FCRL3: variants seen among roughly 807,000 people sequenced by gnomAD.
FCRL3 encodes the protein Fc receptor like 3.
A neutral mutation model predicts 75.0 loss-of-function variants in FCRL3; 89 were observed. That is an observed-to-expected ratio of 1.19 (90% CI 1.00 to 1.42). The LOEUF (loss-of-function observed/expected upper bound fraction) is 1.42. Ranked by LOEUF, FCRL3 falls within the 40% of genes most tolerant of loss-of-function variation. The pLI, the probability that FCRL3 is intolerant of heterozygous loss-of-function variation, is 0.00. For missense variants in FCRL3, 946 were observed against 880.0 expected (o/e 1.07, Z -0.95); for synonymous variants, 376 against 348.5 (o/e 1.08, Z -0.88).
At chr1:157,695,719 C>T (rs774002695) in intron 7 of FCRL3, 112 bp from the exon 8 acceptor site, 34 of 1,228,586 alleles carry the variant, frequency 2.8e-5, no homozygotes, top group Middle Eastern at 2.0e-4. Context: ...GTTTCTGTTT[C>T]CCCACTGATC....
chr1:157,680,750 G>T lies in FCRL3; in HGVS notation c.1978C>A (p.Pro660Thr), dbSNP rs780629385. ...ATGCTCCAGATCTGGGAATAAATCG[G>T]GTTGCTATCTCCAGGATTTACTGTG... ...YSNVNPGDSN[P>T]IYSQIWSIQH... The change falls in exon 13 of 15, where the codon CCG (proline) becomes ACG (threonine). Residue 660 changes from proline (P) to threonine (T), a missense_variant. Physicochemically the swap from Pro to Thr is conservative, Grantham distance 38 (BLOSUM62 -1). Coordinates refer to ENST00000368184, the MANE Select transcript of FCRL3 (RefSeq NM_052939.4). 2.5e-6 allele frequency: 4 copies of T among 1,614,024 alleles called. No individual in the cohort carries two copies. In the Admixed American group the frequency reaches 5.0e-5, roughly 20 times the overall value.
At chr1:157,693,726 T>TTC (rs754715689) in intron 8 of FCRL3, among the ~76,000 whole-genome samples, 77 of 149,548 alleles carry the variant, frequency 5.1e-4, no homozygotes, top group African/African-American at 1.5e-3. Flanking sequence ...CTTCCTTCCT[T>TTC]TCTCTCTCTC....
chr1:157,691,548 C>T (rs1655544846), intron 8 of FCRL3, among the ~76,000 whole-genome samples: 1 of 152,202 alleles, frequency 6.6e-6, no homozygotes, highest in South Asian at 2.1e-4. Context: ...CCAGCTGCCT[C>T]ATCAGGATAG....
At position 157,678,791 on chromosome 1, in the gene FCRL3, G is replaced by C. The variant is rs146537365; in HGVS notation, c.2124C>G (p.Ser708Arg). The C allele has an allele frequency of 8.2e-5, 133 of 1,613,948 alleles. No individual in the cohort carries two copies. The highest frequency in any genetic ancestry group is 1.1e-4 in the Non-Finnish European group (128 of 1,180,022). Residue 708 changes from serine to arginine, a missense_variant, in exon 15 of 15, where the codon AGC (serine) becomes AGG (arginine). By Grantham distance (110) the Ser-to-Arg change is moderately radical (BLOSUM62 -1). Coordinates refer to ENST00000368184, the MANE Select transcript of FCRL3 (RefSeq NM_052939.4). ...THPDDSAGEA[S>R]SRGRAHEEDD... ...CTTCTTCATGGGCCCTGCCTCTGCT[G>C]CTAGCCTCCCCTGCAGAGTCGTCTG... is the stretch of plus-strand genomic sequence containing the variant.
chr1:157,689,564 A>C lies in FCRL3; in HGVS notation c.1810+234T>G, dbSNP rs896533273. Among the ~76,000 whole-genome samples the C allele has an allele frequency of 4.6e-5, 7 of 152,298 alleles. No individual in the cohort carries two copies. The East Asian group carries it at 1.3e-3, about 29-fold the overall frequency. ...ATTAATTTTCTAATTTTTAATTGGA[A>C]GCAAAACTCTGCTACCTAATATAAA... On this transcript the variant is annotated intron_variant, in intron 10 of 14. Transcript: ENST00000368184.
chr1:157,685,879 TA>T (rs1553195033), intron 10 of FCRL3, among the ~76,000 whole-genome samples: 1 of 151,992 alleles, frequency 6.6e-6, no homozygotes, highest in East Asian at 1.9e-4. Context: ...AATGCATAAA[TA>T]AAAAAATTTT....
chr1:157,696,129 A>C lies in FCRL3; in HGVS notation c.1043T>G (p.Val348Gly). 1.9e-6 allele frequency: 3 copies of C among 1,613,556 alleles called. No homozygotes were observed. Among genetic ancestry groups the C allele is most frequent in the Non-Finnish European group, 2.5e-6 (3 of 1,179,922 alleles). The change falls in exon 7 of 15, where the codon GTG (valine) becomes GGG (glycine). Residue 348 changes from valine to glycine, a missense_variant. By Grantham distance (109) the Val-to-Gly change is moderately radical. Coordinates refer to ENST00000368184, the MANE Select transcript of FCRL3 (RefSeq NM_052939.4). ...SLLAELHVLT[V>G]KESDAGRYYC... ...GTATCTCCCTGCATCACTCTCCTTCACGGTGAGAACATGCAGCTCTGCCAA... is the reference window on the plus strand; with the variant it reads ...GTATCTCCCTGCATCACTCTCCTTCCCGGTGAGAACATGCAGCTCTGCCAA...
chr1:157,677,890 G>A lies in FCRL3; in HGVS notation c.*820C>T. 1.1e-6 allele frequency: 1 copy of A among 899,300 alleles called. No individual in the cohort carries two copies. The highest frequency in any genetic ancestry group is 5.1e-5 in the South Asian group (1 of 19,574). The allele number at this position is 899,300 out of a possible 1,614,324, so 55.7% of individuals were successfully genotyped here. On this transcript the variant is annotated 3_prime_UTR_variant, in exon 15 of 15. Coordinates refer to ENST00000368184, the MANE Select transcript of FCRL3 (RefSeq NM_052939.4). ...ATGGTTTTTTATCAGATGGAGTGAG[G>A]TAGAGGAAGAGAATGGGAGAAGCCA...
intron 10 of FCRL3, among the ~76,000 whole-genome samples, chr1:157,685,886 ATT>A (rs869177064): frequency 6.6e-6 from 1 of 152,126 alleles, no homozygotes; most frequent in South Asian, 2.1e-4. Flanking sequence ...AAATAAAAAA[ATT>A]TTTTTTAATT....
intron 10 of FCRL3, among the ~76,000 whole-genome samples, chr1:157,688,349 C>A (rs565472645): frequency 6.6e-6 from 1 of 152,164 alleles, no homozygotes; most frequent in Admixed American, 6.5e-5. Flanking sequence ...AGGGTCATTT[C>A]ATAAGGATAA....
rs1654786002 is a variant in FCRL3 at position 157,680,774 on chromosome 1, T to C, written c.1958-4A>G. On this transcript the variant is annotated splice_region_variant and splice_polypyrimidine_tract_variant and intron_variant, in intron 12 of 14. Coordinates refer to ENST00000368184, the MANE Select transcript of FCRL3 (RefSeq NM_052939.4). ...GGGTTGCTATCTCCAGGATTTACTGTGAGAGAAGATATCATAGTTGGTTGC... is the reference window on the plus strand; with the variant it reads ...GGGTTGCTATCTCCAGGATTTACTGCGAGAGAAGATATCATAGTTGGTTGC... 1 of 1,613,588 alleles carries C rather than the reference T, an allele frequency of 6.2e-7. No homozygotes were observed. The highest frequency in any genetic ancestry group is 1.3e-5 in the African/African-American group (1 of 74,912).
rs892916905 is a variant in FCRL3 at position 157,679,031 on chromosome 1, A to C, written c.2027-58T>G. Reference sequence around the variant, plus strand: ...AACTGTGGGCAATATATTCCAACTTACAACGTACGCACACTGCATTCCAAA... The same window carrying C: ...AACTGTGGGCAATATATTCCAACTTCCAACGTACGCACACTGCATTCCAAA... On this transcript the variant is annotated intron_variant, in intron 13 of 14. Transcript: ENST00000368184. 10 of 1,572,472 alleles carry C rather than the reference A, an allele frequency of 6.4e-6. No individual in the cohort carries two copies. In the Admixed American group the frequency reaches 1.7e-4, roughly 26 times the overall value.
chr1:157,677,572 C>T lies in FCRL3; in HGVS notation c.*1138G>A. 1 of 985,372 alleles carries T rather than the reference C, an allele frequency of 1.0e-6. No homozygotes were observed. Among genetic ancestry groups the T allele is most frequent in the Non-Finnish European group, 1.2e-6 (1 of 829,912 alleles). The allele number at this position is 985,372 out of a possible 1,614,324, so 61.0% of individuals were successfully genotyped here. On this transcript the variant is annotated 3_prime_UTR_variant, in exon 15 of 15. Transcript: ENST00000368184. Reference sequence around the variant, plus strand: ...CATTTTTGTCATATTAAAAATTCAACACACTGTGGAAAGAGTTTTTGATGG... The same window carrying T: ...CATTTTTGTCATATTAAAAATTCAATACACTGTGGAAAGAGTTTTTGATGG...
chr1:157,689,737 C>G (rs1189722710), intron 10 of FCRL3, 61 bp downstream of exon 10: 4 of 1,606,412 alleles, frequency 2.5e-6, no homozygotes, highest in Non-Finnish European at 1.7e-6. Flanking sequence ...GTGCACCAGA[C>G]AACTTCAAAT....
rs772299241 is a variant in FCRL3, at chr1:157,697,254, T to TG, written c.729dup (p.Arg244GlnfsTer10). On this transcript the variant is annotated frameshift_variant, in exon 6 of 15. Transcript: ENST00000368184. LOFTEE classifies it high-confidence loss of function. ...GTCCACATGGCAGGGATCTGGAGTCTGGGGGACCTGCTCCAGCCCAATCCG... is the reference window on the plus strand; with the variant it reads ...GTCCACATGGCAGGGATCTGGAGTCTGGGGGGACCTGCTCCAGCCCAATCCG... 5 of 1,610,944 alleles carry TG rather than the reference T, an allele frequency of 3.1e-6. No homozygotes were observed. In the South Asian group the frequency reaches 4.4e-5, roughly 14 times the overall value.
intron 3 of FCRL3, 149 bp downstream of exon 3, chr1:157,699,543 G>T: frequency 3.0e-6 from 2 of 670,028 alleles, no homozygotes; most frequent in Non-Finnish European, 2.4e-6. Context: ...AGTCGGAGGA[G>T]GCTCTGTTCA....
intron 8 of FCRL3, among the ~76,000 whole-genome samples, chr1:157,693,742 C>T (rs78937806): frequency 0.015 from 2,145 of 147,670 alleles, 45 homozygotes; most frequent in African/African-American, 0.045. Flanking sequence ...CTCTCTCTCT[C>T]TCTTTCTTTC....
At chr1:157,699,038 C>T (rs1329488179) in intron 3 of FCRL3, among the ~76,000 whole-genome samples, 3 of 152,166 alleles carry the variant, frequency 2.0e-5, no homozygotes, top group Non-Finnish European at 2.9e-5. Flanking sequence ...AAATTACTTC[C>T]TACTTGTTAA....
At position 157,678,125 on chromosome 1, in the gene FCRL3, AT is replaced by A. The variant is rs1389206620; in HGVS notation, c.*584del. 2.0e-6 allele frequency: 2 copies of A among 985,868 alleles called. No individual in the cohort carries two copies. Among genetic ancestry groups the A allele is most frequent in the African/African-American group, 3.5e-5 (2 of 57,236 alleles). 61.1% of individuals were successfully genotyped at this position (985,868 alleles called of 1,614,324 possible). On this transcript the variant is annotated 3_prime_UTR_variant, in exon 15 of 15. Transcript: ENST00000368184. ...GAGTCTTTAATGAAATGCTGAAGTT[AT>A]TTTTCATCATAACTAGGGTAATTTG...
Sources: allele counts gnomAD v4.1 joint callset (sites outside exome capture counted in the v4.1 genomes callset), GRCh38; gene constraint gnomAD v4.1.1; transcripts MANE v1.5; gene names NCBI Gene and HGNC (gene_info 2026-07-23, HGNC 2026-07-21).